The following WWOX variants were observed in gnomAD, a reference collection of about 807,000 sequenced individuals.
WWOX encodes the protein WW domain-containing oxidoreductase.
A neutral mutation model predicts 46.2 loss-of-function variants in WWOX; 69 were observed. That is an observed-to-expected ratio of 1.49 (90% CI 1.23 to 1.82). The LOEUF is 1.82. Ranked by LOEUF, WWOX falls within the 40% of genes most tolerant of loss-of-function variation. The pLI, the probability that WWOX is intolerant of heterozygous loss-of-function variation, is 0.00. For synonymous variants in WWOX, 359 were observed against 202.6 expected (o/e 1.77, Z -6.56); for missense variants, 919 against 542.6 (o/e 1.69, Z -6.89).
rs927134106 is a variant in WWOX at position 78,733,566 on chromosome 16, T to G, written c.1056+300814T>G. On this transcript the variant is annotated intron_variant, in intron 8 of 8. Transcript: ENST00000566780. ...ATCGAGACCAGCCTGGCCAACATGA[T>G]GAAACCCTATCTCTACTGAAAATAC... Among the ~76,000 whole-genome samples, 6 of 150,166 alleles carry G rather than the reference T, an allele frequency of 4.0e-5. No individual in the cohort carries two copies. In the East Asian group the frequency reaches 1.2e-3, roughly 30 times the overall value.
intron 8 of WWOX, among the ~76,000 whole-genome samples, chr16:79,180,299 G>A (rs1040844886): frequency 3.3e-5 from 5 of 152,200 alleles, no homozygotes; most frequent in Non-Finnish European, 1.5e-5. Context: ...TGTGCACAAG[G>A]TGGAAGGTCA....
chr16:78,535,647 G>A (rs961311328), intron 8 of WWOX: 1 of 152,194 alleles, frequency 6.6e-6, no homozygotes, highest in African/African-American at 2.4e-5. Context: ...AGTGAATAAA[G>A]GAAGTTTAAA....
At chr16:79,060,604 C>T (rs2048341318) in intron 8 of WWOX, among the ~76,000 whole-genome samples, 1 of 152,204 alleles carries the variant, frequency 6.6e-6, no homozygotes, top group Non-Finnish European at 1.5e-5. Context: ...TGACATATGT[C>T]TTATGTCTTC....
intron 8 of WWOX, among the ~76,000 whole-genome samples, chr16:78,663,404 T>C (rs1025522369): frequency 2.0e-5 from 3 of 152,202 alleles, no homozygotes; most frequent in Non-Finnish European, 4.4e-5. Context: ...CAATATATTA[T>C]ACTTTGTTTA....
At chr16:78,103,478 G>C (rs544287387) in intron 1 of WWOX, among the ~76,000 whole-genome samples, 2 of 151,998 alleles carry the variant, frequency 1.3e-5, no homozygotes, top group African/African-American at 4.8e-5. Flanking sequence ...CCTTGTGTCC[G>C]TCCCTGCTGG....
chr16:78,463,174 TAAAC>T (rs2083993001), intron 8 of WWOX, among the ~76,000 whole-genome samples: 1 of 152,132 alleles, frequency 6.6e-6, no homozygotes, highest in Non-Finnish European at 1.5e-5. Flanking sequence ...CGAAAGAAAA[TAAAC>T]AGGCAGCACT....
intron 8 of WWOX, among the ~76,000 whole-genome samples, chr16:79,194,212 G>C: frequency 6.6e-6 from 1 of 152,128 alleles, no homozygotes; most frequent in East Asian, 1.9e-4. Flanking sequence ...AAAACGATTT[G>C]GAAAGGAAAT....
chr16:78,702,007 TTA>T (rs869227421), intron 8 of WWOX, among the ~76,000 whole-genome samples: 19,597 of 57,368 alleles, frequency 0.34, 3,150 homozygotes, highest in South Asian at 0.44. Context: ...CTACATAAAA[TTA>T]TATATATATA....
intron 8 of WWOX, among the ~76,000 whole-genome samples, chr16:78,580,597 C>G (rs572190520): frequency 9.8e-5 from 15 of 152,342 alleles, no homozygotes; most frequent in African/African-American, 3.6e-4. Flanking sequence ...GCACACTTCT[C>G]TACATTACCT....
intron 6 of WWOX, among the ~76,000 whole-genome samples, chr16:78,395,289 C>G (rs1253110904): frequency 3.9e-5 from 6 of 152,296 alleles, no homozygotes; most frequent in Non-Finnish European, 5.9e-5. Flanking sequence ...GAGGCCAAGG[C>G]AGGCAGGTTG....
chr16:78,453,594 G>T (rs2083743215), intron 8 of WWOX, among the ~76,000 whole-genome samples: 1 of 152,030 alleles, frequency 6.6e-6, no homozygotes, highest in African/African-American at 2.4e-5. Context: ...TCTGTCTAGG[G>T]TAGGGAGAGA....
chr16:79,201,849 G>A (rs1162513975), intron 8 of WWOX, among the ~76,000 whole-genome samples: 1 of 152,078 alleles, frequency 6.6e-6, no homozygotes, highest in Non-Finnish European at 1.5e-5. Context: ...TGTTTTATAA[G>A]CTCAGGTGAT....
chr16:78,892,947 A>T, intron 8 of WWOX, among the ~76,000 whole-genome samples: 1 of 152,136 alleles, frequency 6.6e-6, no homozygotes, highest in Non-Finnish European at 1.5e-5. Flanking sequence ...GTCCTTAAGC[A>T]CTCACAGGTA....
At chr16:78,874,555 A>G (rs546874845) in intron 8 of WWOX, among the ~76,000 whole-genome samples, 127 of 152,240 alleles carry the variant, frequency 8.3e-4, no homozygotes, top group African/African-American at 3.0e-3. Flanking sequence ...GATGTTATTC[A>G]TGGCAAAAGA....
At chr16:78,621,672 T>C (rs950694255) in intron 8 of WWOX, among the ~76,000 whole-genome samples, 2 of 134,300 alleles carry the variant, frequency 1.5e-5, no homozygotes, top group Non-Finnish European at 3.1e-5. Context: ...TGGCACCATC[T>C]CGGCTCACCA....
chr16:78,807,571 A>T (rs1207199981), intron 8 of WWOX, among the ~76,000 whole-genome samples: 1 of 152,250 alleles, frequency 6.6e-6, no homozygotes, highest in Non-Finnish European at 1.5e-5. Flanking sequence ...CAAATGTGGC[A>T]AATGTGGAGT....
At chr16:78,486,766 G>C (rs2738699) in intron 8 of WWOX, among the ~76,000 whole-genome samples, 11,597 of 152,180 alleles carry the variant, frequency 0.076, 471 homozygotes, top group African/African-American at 0.083. Context: ...TTGAGATAAG[G>C]GTTTACTGTC....
intron 8 of WWOX, among the ~76,000 whole-genome samples, chr16:78,832,493 A>G (rs766971825): frequency 3.3e-5 from 5 of 152,178 alleles, no homozygotes; most frequent in Non-Finnish European, 7.3e-5. Context: ...AGGTCTATCA[A>G]AGAACTTGTG....
chr16:78,634,560 G>A (rs1374849066), intron 8 of WWOX, among the ~76,000 whole-genome samples: 3 of 152,004 alleles, frequency 2.0e-5, no homozygotes, highest in Non-Finnish European at 4.4e-5. Flanking sequence ...ACAAAAATTA[G>A]CTGGGCATGG....
Sources: gnomAD v4.1 joint callset for allele counts (sites outside exome capture counted in the v4.1 genomes callset) on GRCh38, gnomAD v4.1.1 for gene constraint, MANE v1.5 for transcripts, NCBI Gene and HGNC (gene_info 2026-07-23, HGNC 2026-07-21) for gene names.